JADE1: variants seen among roughly 807,000 people sequenced by gnomAD.
JADE1 encodes the protein protein Jade-1.
A neutral mutation model predicts 81.8 loss-of-function variants in JADE1; 14 were observed. That is an observed-to-expected ratio of 0.17 (90% CI 0.11 to 0.27). The LOEUF is 0.27. Among genes scored for constraint, JADE1 ranks in the 10% least tolerant of loss-of-function variants. JADE1 has a pLI of 1.00. For missense variants in JADE1, 690 were observed against 1,047.9 expected (o/e 0.66, Z 4.71); for synonymous variants, 353 against 391.9 (o/e 0.90, Z 1.17).
chr4:128,847,499 T>TA (rs1729965480), intron 4 of JADE1, among the ~76,000 whole-genome samples: 1 of 152,162 alleles, frequency 6.6e-6, no homozygotes, highest in African/African-American at 2.4e-5. Context: ...CCCCACAGGC[T>TA]AGAGTCTGGA....
At chr4:128,820,109 G>A (rs1277283342) in intron 1 of JADE1, among the ~76,000 whole-genome samples, 2 of 115,372 alleles carry the variant, frequency 1.7e-5, no homozygotes, top group Non-Finnish European at 4.3e-5. Context: ...GTTTCTTTTG[G>A]GAAGATTTCT....
At chr4:128,836,796 G>T (rs1729020982) in intron 2 of JADE1, among the ~76,000 whole-genome samples, 1 of 150,168 alleles carries the variant, frequency 6.7e-6, no homozygotes, top group Admixed American at 6.7e-5. Flanking sequence ...GAGTACAGTG[G>T]CATGATCTCA....
chr4:128,833,701 A>G (rs949602386), intron 2 of JADE1, among the ~76,000 whole-genome samples: 1 of 152,210 alleles, frequency 6.6e-6, no homozygotes, highest in Admixed American at 6.5e-5. Flanking sequence ...CTCGAAAAAA[A>G]ATTCTTGCTT....
chr4:128,831,855 C>T (rs769329287), intron 2 of JADE1, 45 bp downstream of exon 2: 12 of 1,551,448 alleles, frequency 7.7e-6, no homozygotes, highest in East Asian at 2.2e-5. Context: ...GGGTTTGGGT[C>T]GGGGTAAAAA....
chr4:128,867,275 TCAGTGTG>T (rs1012624070), intron 9 of JADE1, among the ~76,000 whole-genome samples: 13 of 152,278 alleles, frequency 8.5e-5, no homozygotes, highest in African/African-American at 3.1e-4. Flanking sequence ...TTCAGTGAGT[TCAGTGTG>T]CAGTTGACAA....
chr4:128,815,225 A>T (rs1205768041), intron 1 of JADE1, among the ~76,000 whole-genome samples: 1 of 134,772 alleles, frequency 7.4e-6, no homozygotes, highest in African/African-American at 2.8e-5. Flanking sequence ...CTCAGCCTCC[A>T]GAGTAGCTGG....
chr4:128,846,855 C>T lies in JADE1; in HGVS notation c.296+323C>T, dbSNP rs191816944. On this transcript the variant is annotated intron_variant, in intron 4 of 10. Transcript: ENST00000226319. The surrounding 1 kb of genome is among the most constrained non-coding windows in gnomAD (Gnocchi z 4.0). The stretch of plus-strand genomic sequence containing the variant: ...GGGGAGGAAAATTTGGGTGTTCACA[C>T]GTCTGCATCCTCTTTTCCTGCCCTC... 6.6e-4 allele frequency among the ~76,000 whole-genome samples: 101 copies of T among 152,272 alleles called. No individual in the cohort carries two copies. Among genetic ancestry groups the T allele is most frequent in the African/African-American group, 2.2e-3 (91 of 41,562 alleles).
In JADE1 at chr4:128,872,562, T is replaced by G; in HGVS notation, c.*300T>G. ...TGTTTTAAAGAAGGCAAGGCTTAAA[T>G]AAGCCTCATGAATTTTTATAGCCCT... On this transcript the variant is annotated 3_prime_UTR_variant, in exon 11 of 11. Transcript: ENST00000226319. 6.3e-6 allele frequency: 2 copies of G among 318,574 alleles called. No individual in the cohort carries two copies. The highest frequency in any genetic ancestry group is 6.5e-5 in the East Asian group (1 of 15,466). The allele number at this position is 318,574 out of a possible 1,614,324, so 19.7% of individuals were successfully genotyped here.
intron 9 of JADE1, chr4:128,862,435 G>A: frequency 7.3e-7 from 1 of 1,375,496 alleles, no homozygotes. Context: ...GAGCTTCTTT[G>A]TGGTTTTTTT....
chr4:128,848,274 G>A (rs1730042806), intron 4 of JADE1, among the ~76,000 whole-genome samples: 1 of 152,136 alleles, frequency 6.6e-6, no homozygotes, highest in Admixed American at 6.5e-5. Context: ...CGCCTCCTGG[G>A]TTCAAGCAAT....
chr4:128,846,583 C>G lies in JADE1; in HGVS notation c.296+51C>G. 6.3e-7 allele frequency: 1 copy of G among 1,586,354 alleles called. No individual in the cohort carries two copies. The highest frequency in any genetic ancestry group is 1.3e-5 in the African/African-American group (1 of 74,314). On this transcript the variant is annotated intron_variant, in intron 4 of 10. Coordinates refer to ENST00000226319, the MANE Select transcript of JADE1 (RefSeq NM_199320.4). The surrounding 1 kb of genome is among the most constrained non-coding windows in gnomAD (Gnocchi z 4.0). ...CTCTCCACCCACCCTTGCTCTTCTT[C>G]CCTGACAGCAGGCATCTGAGAAGAG... is the stretch of plus-strand genomic sequence containing the variant.
chr4:128,831,847 G>A (rs780783492), intron 2 of JADE1, 37 bp downstream of exon 2: 1 of 1,574,820 alleles, frequency 6.3e-7, no homozygotes, highest in Non-Finnish European at 8.7e-7. Flanking sequence ...GCCTACCAGG[G>A]TTTGGGTCGG....
intron 1 of JADE1, among the ~76,000 whole-genome samples, chr4:128,819,654 C>G (rs1282714784): frequency 6.6e-6 from 1 of 152,216 alleles, no homozygotes; most frequent in Non-Finnish European, 1.5e-5. Context: ...ATTCTTCCAG[C>G]TTTACCTTTT....
chr4:128,842,776 G>C (rs1729552031), intron 2 of JADE1, among the ~76,000 whole-genome samples, 177 bp from the exon 3 acceptor site: 1 of 152,202 alleles, frequency 6.6e-6, no homozygotes, highest in Admixed American at 6.5e-5. Context: ...TGAGAGGTGA[G>C]AGTTAAATAA....
intron 2 of JADE1, among the ~76,000 whole-genome samples, chr4:128,842,674 C>T (rs556359843): frequency 6.6e-6 from 1 of 152,248 alleles, no homozygotes; most frequent in African/African-American, 2.4e-5. Context: ...GTGAAGACTA[C>T]ACCTGCATGG....
intron 9 of JADE1, chr4:128,863,223 C>T: frequency 1.0e-6 from 1 of 985,520 alleles, no homozygotes; most frequent in African/African-American, 1.7e-5. Flanking sequence ...CCCGCTAGGG[C>T]CTCCTGCTCC....
At chr4:128,825,568 C>G (rs1352658006) in intron 1 of JADE1, among the ~76,000 whole-genome samples, 1 of 152,162 alleles carries the variant, frequency 6.6e-6, no homozygotes, top group Non-Finnish European at 1.5e-5. Flanking sequence ...TTTCAGGTGC[C>G]TTGCTATCTC....
chr4:128,828,076 G>A (rs377674483), intron 1 of JADE1, among the ~76,000 whole-genome samples: 21 of 152,258 alleles, frequency 1.4e-4, no homozygotes, highest in African/African-American at 2.9e-4. Flanking sequence ...GTGAATTTCC[G>A]TTGTTTTCCT....
rs781268661 is a variant in JADE1 at position 128,872,265 on chromosome 4, C to T, written c.*3C>T. 6.2e-7 allele frequency: 1 copy of T among 1,611,444 alleles called. No homozygotes were observed. The highest frequency in any genetic ancestry group is 2.2e-5 in the East Asian group (1 of 44,810). ...GGAGAAGCATCTTGGCTTCTTGATG[C>T]AACAGAGATGATGCGGAAGCCCTTT... On this transcript the variant is annotated 3_prime_UTR_variant, in exon 11 of 11. Coordinates refer to ENST00000226319, the MANE Select transcript of JADE1 (RefSeq NM_199320.4).
Sources: allele counts gnomAD v4.1 joint callset (sites outside exome capture counted in the v4.1 genomes callset), GRCh38; gene constraint gnomAD v4.1.1; non-coding constraint Gnocchi (gnomAD v3.1); transcripts MANE v1.5; gene names NCBI Gene and HGNC (gene_info 2026-07-23, HGNC 2026-07-21).